The following NETO2 variants were observed in gnomAD, a reference collection of about 807,000 sequenced individuals.
NETO2 encodes neuropilin and tolloid-like protein 2.
In NETO2, 28 loss-of-function variants were observed where a neutral mutation model predicts 62.5. The observed-to-expected ratio is 0.45, with a 90% CI of 0.33 to 0.61. NETO2 has a LOEUF of 0.61. NETO2 is among the 20% of genes least tolerant of loss of function. NETO2 has a pLI of 0.02. For missense variants in NETO2, 548 were observed against 643.2 expected, an observed-to-expected ratio of 0.85 and a Z score of 1.60; for synonymous variants, 214 against 219.1, an observed-to-expected ratio of 0.98 and a Z score of 0.21.
At chr16:47,133,749 C>T (rs1964316676) in intron 1 of NETO2, among the ~76,000 whole-genome samples, 1 of 152,048 alleles carries the variant, frequency 6.6e-6, no homozygotes, top group African/African-American at 2.4e-5. Flanking sequence ...AAGGCTACAG[C>T]AGTATAGTAG....
intron 7 of NETO2, among the ~76,000 whole-genome samples, chr16:47,088,336 C>T (rs1175040131): frequency 6.6e-6 from 1 of 152,126 alleles, no homozygotes; most frequent in Non-Finnish European, 1.5e-5. Flanking sequence ...GAACTCCTGA[C>T]CTTAAGTGAT....
chr16:47,136,756 T>C (rs928859646), intron 1 of NETO2, among the ~76,000 whole-genome samples: 3 of 152,190 alleles, frequency 2.0e-5, no homozygotes, highest in Admixed American at 6.5e-5. Context: ...GGTGAAAGGA[T>C]GGATTTAATA....
At chr16:47,128,039 AATGTATTTTAAATGTTAGCCTGAGC>A (rs374243947) in intron 4 of NETO2, among the ~76,000 whole-genome samples, 78 of 152,362 alleles carry the variant, frequency 5.1e-4, no homozygotes, top group African/African-American at 1.7e-3. Flanking sequence ...TTTATTTTTA[AATGTATTTTAAATGTTAGCCTGAGC>A]ATGTGCTATA....
At chr16:47,136,769 T>G (rs990557818) in intron 1 of NETO2, among the ~76,000 whole-genome samples, 7 of 152,166 alleles carry the variant, frequency 4.6e-5, no homozygotes, top group Non-Finnish European at 1.0e-4. Flanking sequence ...ATTTAATAAA[T>G]GGTTCTGGGA....
In NETO2 at chr16:47,079,188, G is replaced by C. The variant is rs1342103679; in HGVS notation, c.*4033C>G. ...CCCAGCTACTCGAGAGGCTGAGACA[G>C]GAGAATGGCATGAACCCGGGAGGCG... On this transcript the variant is annotated 3_prime_UTR_variant, in exon 9 of 9. Transcript: ENST00000562435. 1.3e-5 allele frequency: 2 copies of C among 151,980 alleles called. No homozygotes were observed. Among genetic ancestry groups the C allele is most frequent in the African/African-American group, 2.4e-5 (1 of 41,264 alleles). The allele number at this position is 151,980 out of a possible 1,614,324, so 9.4% of individuals were successfully genotyped here.
At chr16:47,091,753 T>G (rs1190373719) in intron 7 of NETO2, among the ~76,000 whole-genome samples, 1 of 152,198 alleles carries the variant, frequency 6.6e-6, no homozygotes. Context: ...AAGCAGAGGG[T>G]GCCTATGTGA....
chr16:47,078,885 G>A lies in NETO2; in HGVS notation c.*4336C>T, dbSNP rs1220874819. On this transcript the variant is annotated 3_prime_UTR_variant, in exon 9 of 9. Transcript: ENST00000562435. ...AATGTTACATACATTTAAAGAAAAGGGGAAATATAATGCATTGAAGAAATT... is the reference window on the plus strand; with the variant it reads ...AATGTTACATACATTTAAAGAAAAGAGGAAATATAATGCATTGAAGAAATT... 6.6e-6 allele frequency: 1 copy of A among 152,136 alleles called. No homozygotes were observed. The highest frequency in any genetic ancestry group is 2.4e-5 in the African/African-American group (1 of 41,424). 9.4% of individuals were successfully genotyped at this position (152,136 alleles called of 1,614,324 possible). A position where few individuals can be genotyped will look rare whatever the true frequency, so the allele number is the denominator to read the frequency against.
intron 4 of NETO2, among the ~76,000 whole-genome samples, chr16:47,126,593 T>TGCTCTGTTC (rs1257517821): frequency 1.1e-4 from 16 of 152,190 alleles, no homozygotes; most frequent in Non-Finnish European, 1.3e-4. Context: ...GAGCACACCC[T>TGCTCTGTTC]ACTGCGAGTG....
intron 6 of NETO2, among the ~76,000 whole-genome samples, chr16:47,116,546 G>C (rs927608738): frequency 6.6e-6 from 1 of 151,814 alleles, no homozygotes; most frequent in Non-Finnish European, 1.5e-5. Flanking sequence ...TGAAATTTTT[G>C]CATCTATTTT....
In NETO2 at chr16:47,082,110, T is replaced by C. The variant is rs1339630600; in HGVS notation, c.*1111A>G. ...AGCTTTTATGTTTATAAATTATTGT[T>C]TTTATACCATAAAAAAAGTCAAAAG... On this transcript the variant is annotated 3_prime_UTR_variant, in exon 9 of 9. Transcript: ENST00000562435. The C allele has an allele frequency of 6.6e-6, 1 of 152,582 alleles. No individual in the cohort carries two copies. Among genetic ancestry groups the C allele is most frequent in the Non-Finnish European group, 1.5e-5 (1 of 68,018 alleles). The allele number at this position is 152,582 out of a possible 1,614,324, so 9.5% of individuals were successfully genotyped here.
rs1394464817 is a variant in NETO2, at chr16:47,081,645, T to C, written c.*1576A>G. ...TCCAGTGAAACTTCAACTTATTTCA[T>C]TGAGAATTTACTAACAAAATATAGA... On this transcript the variant is annotated 3_prime_UTR_variant, in exon 9 of 9. Coordinates refer to ENST00000562435, the MANE Select transcript of NETO2 (RefSeq NM_018092.5). The C allele has an allele frequency of 6.6e-6, 1 of 152,610 alleles. No homozygotes were observed. The highest frequency in any genetic ancestry group is 2.4e-5 in the African/African-American group (1 of 41,462). 9.5% of individuals were successfully genotyped at this position (152,610 alleles called of 1,614,324 possible). A position where few individuals can be genotyped will look rare whatever the true frequency, so the allele number is the denominator to read the frequency against.
At position 47,111,586 on chromosome 16, in the gene NETO2, C is replaced by G. The variant is rs146141129; in HGVS notation, c.655-1875G>C. Among the ~76,000 whole-genome samples, 439 of 152,302 alleles carry G rather than the reference C, an allele frequency of 2.9e-3. 1 individual carries two copies. Among genetic ancestry groups the G allele is most frequent in the Non-Finnish European group, 3.1e-3 (214 of 68,026 alleles). Reference sequence around the variant, plus strand: ...GGGATCTTTTACTTACAACTTTCATCAAGTAAGTGACCTCTTACCCTATCC... The same window carrying G: ...GGGATCTTTTACTTACAACTTTCATGAAGTAAGTGACCTCTTACCCTATCC... On this transcript the variant is annotated intron_variant, in intron 6 of 8. Coordinates refer to ENST00000562435, the MANE Select transcript of NETO2 (RefSeq NM_018092.5).
At chr16:47,141,746 A>C (rs1283565418) in intron 1 of NETO2, among the ~76,000 whole-genome samples, 2 of 152,242 alleles carry the variant, frequency 1.3e-5, no homozygotes, top group Non-Finnish European at 2.9e-5. Context: ...AAAATAGTGT[A>C]GGCTAACACT....
chr16:47,130,898 C>G (rs576224141), intron 2 of NETO2, among the ~76,000 whole-genome samples: 8 of 152,178 alleles, frequency 5.3e-5, no homozygotes, highest in African/African-American at 1.9e-4. Context: ...AAAAAGTGTT[C>G]TAACTCCTGG....
intron 1 of NETO2, among the ~76,000 whole-genome samples, chr16:47,135,141 A>G (rs1166557595): frequency 1.3e-5 from 2 of 152,238 alleles, no homozygotes; most frequent in African/African-American, 4.8e-5. Context: ...CATTATAAAC[A>G]CAGTTTCCTG....
chr16:47,117,731 C>T (rs1963951350), intron 6 of NETO2, among the ~76,000 whole-genome samples: 1 of 152,054 alleles, frequency 6.6e-6, no homozygotes, highest in South Asian at 2.1e-4. Context: ...TCCTATTTTC[C>T]TACTCTTTGA....
intron 1 of NETO2, among the ~76,000 whole-genome samples, chr16:47,134,766 A>G (rs1964335406): frequency 6.6e-6 from 1 of 152,250 alleles, no homozygotes; most frequent in Non-Finnish European, 1.5e-5. Context: ...AAAGGGATGA[A>G]CTGTGCCAGC....
In NETO2 at chr16:47,112,602, C is replaced by T. The variant is rs566789839; in HGVS notation, c.655-2891G>A. 1.2e-4 allele frequency among the ~76,000 whole-genome samples: 19 copies of T among 152,246 alleles called. No homozygotes were observed. In the East Asian group the frequency reaches 3.5e-3, roughly 28 times the overall value. ...CTCGAACTCTTGACCTCAAGTGATC[C>T]GCCTGCCTCAGACTCCCAAAGTGCT... On this transcript the variant is annotated intron_variant, in intron 6 of 8. Transcript: ENST00000562435.
chr16:47,091,214 A>C (rs1443600602), intron 7 of NETO2, among the ~76,000 whole-genome samples: 1 of 152,198 alleles, frequency 6.6e-6, no homozygotes, highest in East Asian at 1.9e-4. Context: ...TTGGGTAATA[A>C]AGCTAAATTT....
Sources: gnomAD v4.1 joint callset for allele counts (sites outside exome capture counted in the v4.1 genomes callset) on GRCh38, gnomAD v4.1.1 for gene constraint, MANE v1.5 for transcripts, NCBI Gene and HGNC (gene_info 2026-07-23, HGNC 2026-07-21) for gene names.